Variants in GMDS observed in about 807,000 individuals in gnomAD.
GMDS encodes GDP-mannose 4,6-dehydratase.
Under a neutral mutation model 49.9 loss-of-function variants are expected in GMDS, and 20 were observed. The observed-to-expected ratio is 0.40, with a 90% confidence interval of 0.28 to 0.58. The LOEUF is 0.58. Among genes scored for constraint, GMDS ranks in the 20% least tolerant of loss-of-function variants. GMDS has a pLI of 0.42. For synonymous variants in GMDS, 177 were observed against 178.6 expected, an observed-to-expected ratio of 0.99 and a Z score of 0.07; for missense variants, 362 against 481.4, an observed-to-expected ratio of 0.75 and a Z score of 2.32.
intron 1 of GMDS, among the ~76,000 whole-genome samples, chr6:2,151,459 A>T (rs1182930790): frequency 6.6e-6 from 1 of 152,130 alleles, no homozygotes; most frequent in Non-Finnish European, 1.5e-5. Context: ...TACATGAGCA[A>T]TATAGCCATT....
chr6:1,727,633 A>C (rs1254525179), intron 8 of GMDS, among the ~76,000 whole-genome samples: 1 of 152,196 alleles, frequency 6.6e-6, no homozygotes, highest in African/African-American at 2.4e-5. Flanking sequence ...AATGAACATT[A>C]AATGTTGATC....
At chr6:1,674,018 T>A (rs942801081) in intron 9 of GMDS, among the ~76,000 whole-genome samples, 3 of 150,664 alleles carry the variant, frequency 2.0e-5, no homozygotes, top group African/African-American at 7.4e-5. Flanking sequence ...TCTGAGGACA[T>A]GTTTTCAACT....
At chr6:2,229,408 CAAAAA>C (rs1210456971) in intron 1 of GMDS, among the ~76,000 whole-genome samples, 6 of 89,240 alleles carry the variant, frequency 6.7e-5, no homozygotes, top group South Asian at 3.5e-4. Context: ...CCTGTTTCTA[CAAAAA>C]AAAAAAAAAA....
At chr6:1,819,165 G>A (rs1412588279) in intron 7 of GMDS, among the ~76,000 whole-genome samples, 2 of 151,870 alleles carry the variant, frequency 1.3e-5, no homozygotes, top group Non-Finnish European at 2.9e-5. Context: ...TGGCAAGGTT[G>A]AAAAACAGAC....
Position 1,987,486 on chromosome 6 carries a change from G to A in GMDS, c.346-26520C>T, listed in dbSNP as rs141026341. Among the ~76,000 whole-genome samples, 99 of 152,092 alleles carry A rather than the reference G, an allele frequency of 6.5e-4. No individual in the cohort carries two copies. In the East Asian group the frequency reaches 0.016, roughly 25 times the overall value. On this transcript the variant is annotated intron_variant, in intron 4 of 10. Coordinates refer to ENST00000380815, the MANE Select transcript of GMDS (RefSeq NM_001500.4). Reference sequence around the variant, plus strand: ...TGTTCATTCAACAAATATTTATAGCGCAACACCTAAGGCCCTGGAACTGTT... The same window carrying A: ...TGTTCATTCAACAAATATTTATAGCACAACACCTAAGGCCCTGGAACTGTT...
intron 4 of GMDS, among the ~76,000 whole-genome samples, chr6:1,981,334 C>T (rs1473055444): frequency 6.6e-6 from 1 of 151,902 alleles, no homozygotes; most frequent in Non-Finnish European, 1.5e-5. Flanking sequence ...TAAACACAAT[C>T]AGAAATGATA....
chr6:1,820,811 T>C (rs907402916), intron 7 of GMDS, among the ~76,000 whole-genome samples: 1 of 152,216 alleles, frequency 6.6e-6, no homozygotes, highest in Admixed American at 6.5e-5. Context: ...CAATGATGCA[T>C]TCCCCTAAAT....
chr6:2,008,925 TA>T (rs1263422862), intron 4 of GMDS, among the ~76,000 whole-genome samples: 1 of 152,208 alleles, frequency 6.6e-6, no homozygotes, highest in African/African-American at 2.4e-5. Context: ...CCAATTACTC[TA>T]TGAAAAGCAA....
intron 7 of GMDS, among the ~76,000 whole-genome samples, chr6:1,829,379 T>C (rs754931403): frequency 1.5e-4 from 23 of 152,256 alleles, no homozygotes; most frequent in Non-Finnish European, 2.6e-4. Context: ...ATATTATGCA[T>C]AGGCATTTTC....
intron 4 of GMDS, among the ~76,000 whole-genome samples, chr6:2,035,502 C>A (rs760871421): frequency 1.6e-4 from 24 of 152,082 alleles, no homozygotes; most frequent in Non-Finnish European, 2.6e-4. Flanking sequence ...GGCATTTGAC[C>A]TATTTCTCTG....
At chr6:1,975,295 A>G (rs1374763463) in intron 4 of GMDS, among the ~76,000 whole-genome samples, 1 of 152,198 alleles carries the variant, frequency 6.6e-6, no homozygotes, top group Non-Finnish European at 1.5e-5. Flanking sequence ...GGGGAAACCC[A>G]TGGACATAAT....
chr6:1,668,082 T>A (rs1764291886), intron 9 of GMDS, among the ~76,000 whole-genome samples: 1 of 152,240 alleles, frequency 6.6e-6, no homozygotes. Context: ...TTAGATGTTC[T>A]ATAAAAATGT....
chr6:1,712,562 G>A (rs897794294), intron 9 of GMDS, among the ~76,000 whole-genome samples: 1 of 152,200 alleles, frequency 6.6e-6, no homozygotes, highest in Admixed American at 6.5e-5. Context: ...GGTGCAAAAT[G>A]TCACTCACAT....
At chr6:2,058,175 T>G (rs1218191817) in intron 4 of GMDS, among the ~76,000 whole-genome samples, 2 of 151,918 alleles carry the variant, frequency 1.3e-5, no homozygotes, top group African/African-American at 4.8e-5. Flanking sequence ...CTGGCCAACA[T>G]GATGAAACCC....
chr6:2,230,913 T>C (rs1581832863), intron 1 of GMDS, among the ~76,000 whole-genome samples: 3 of 139,602 alleles, frequency 2.1e-5, no homozygotes, highest in Admixed American at 7.6e-5. Flanking sequence ...ATTCACTTAA[T>C]GCATTTAGTA....
chr6:2,016,088 A>AAC (rs1767882144), intron 4 of GMDS, among the ~76,000 whole-genome samples: 1 of 14,030 alleles, frequency 7.1e-5, no homozygotes, highest in Non-Finnish European at 1.7e-4. Flanking sequence ...AAAATAAATT[A>AAC]AAAAAAAAAA....
At chr6:1,850,805 TAA>T (rs1286295401) in intron 7 of GMDS, among the ~76,000 whole-genome samples, 1 of 152,192 alleles carries the variant, frequency 6.6e-6, no homozygotes, top group Non-Finnish European at 1.5e-5. Context: ...CAACCTCACT[TAA>T]GTGTCATTGC....
chr6:1,811,419 T>A, intron 7 of GMDS, among the ~76,000 whole-genome samples: 1 of 152,224 alleles, frequency 6.6e-6, no homozygotes, highest in African/African-American at 2.4e-5. Flanking sequence ...TTTCACAGAG[T>A]AGGTGATTAA....
chr6:1,679,238 T>G (rs1764714165), intron 9 of GMDS: 1 of 152,262 alleles, frequency 6.6e-6, no homozygotes, highest in Non-Finnish European at 1.5e-5. Flanking sequence ...AGGCTAACGC[T>G]GGCACTGGAT....
Sources: allele counts gnomAD v4.1 joint callset (sites outside exome capture counted in the v4.1 genomes callset), GRCh38; gene constraint gnomAD v4.1.1; transcripts MANE v1.5; gene names NCBI Gene and HGNC (gene_info 2026-07-23, HGNC 2026-07-21).